The following APBB2 variants were observed in gnomAD, a reference collection of about 807,000 sequenced individuals.
The protein encoded by APBB2 is Fe65-like 1.
A neutral mutation model predicts 82.5 loss-of-function variants in APBB2; 38 were observed. The observed-to-expected ratio is 0.46, with a 90% CI of 0.36 to 0.60. The LOEUF is 0.60. Ranked by LOEUF, APBB2 falls within the 20% of genes least tolerant of loss-of-function variation. APBB2 has a pLI of 0.00. For synonymous variants in APBB2, 341 were observed against 368.2 expected, an observed-to-expected ratio of 0.93 and a Z score of 0.85; for missense variants, 772 against 972.3, an observed-to-expected ratio of 0.79 and a Z score of 2.74.
Position 40,945,083 on chromosome 4 carries a change from T to TTG in APBB2, c.836-11_836-10insCA. 3.0e-6 allele frequency: 2 copies of TTG among 668,272 alleles called. No homozygotes were observed. The highest frequency in any genetic ancestry group is 2.0e-5 in the South Asian group (1 of 50,972). 41.4% of individuals were successfully genotyped at this position (668,272 alleles called of 1,614,324 possible). ...TCACTCCATATATCTGCTGAAAAATTGGGGGGCGGGGCGGGGGGAGAAAGA... is the reference window on the plus strand; with the variant it reads ...TCACTCCATATATCTGCTGAAAAATTTGGGGGGGCGGGGCGGGGGGAGAAAGA... On this transcript the variant is annotated splice_polypyrimidine_tract_variant and intron_variant, in intron 6 of 17. Transcript: ENST00000508593.
chr4:40,891,645 T>C (rs1267981735), intron 11 of APBB2, among the ~76,000 whole-genome samples: 2 of 152,186 alleles, frequency 1.3e-5, no homozygotes, highest in African/African-American at 4.8e-5. Context: ...CTGTGGCCTG[T>C]CTACAGCTGA....
chr4:41,029,443 G>A (rs1407232206), intron 5 of APBB2, among the ~76,000 whole-genome samples: 6 of 152,182 alleles, frequency 3.9e-5, no homozygotes, highest in Non-Finnish European at 2.9e-5. Flanking sequence ...CTAACTAGGC[G>A]AGCAATGTCA....
intron 1 of APBB2, among the ~76,000 whole-genome samples, chr4:41,213,674 A>G (rs1779886398): frequency 6.6e-6 from 1 of 152,140 alleles, no homozygotes; most frequent in Admixed American, 6.5e-5. Flanking sequence ...TGTCATTTCT[A>G]GCGTACCACC....
At chr4:40,825,847 C>A in intron 15 of APBB2, 40 bp downstream of exon 15, 1 of 1,569,786 alleles carries the variant, frequency 6.4e-7, no homozygotes, top group African/African-American at 1.3e-5. Flanking sequence ...TGAGCTCCCG[C>A]ACACTTGCAA....
intron 5 of APBB2, among the ~76,000 whole-genome samples, chr4:41,030,135 G>A (rs773416004): frequency 6.6e-6 from 1 of 152,094 alleles, no homozygotes; most frequent in Non-Finnish European, 1.5e-5. Context: ...CAGCCTGGGC[G>A]ACAGAGCTAG....
intron 6 of APBB2, among the ~76,000 whole-genome samples, chr4:40,982,237 A>G (rs375188845): frequency 1.9e-3 from 13 of 6,722 alleles, no homozygotes; most frequent in Middle Eastern, 0.029. Context: ...AAAGAAAGAA[A>G]GAAAGAAAGA....
At chr4:40,823,565 TC>T in intron 16 of APBB2, 78 bp downstream of exon 16, 1 of 1,012,086 alleles carries the variant, frequency 9.9e-7, no homozygotes, top group Non-Finnish European at 1.5e-6. Context: ...TTGACTATGT[TC>T]CTAAGTTCCA....
chr4:41,020,474 T>C (rs1015276781), intron 5 of APBB2, among the ~76,000 whole-genome samples: 1 of 152,232 alleles, frequency 6.6e-6, no homozygotes, highest in Non-Finnish European at 1.5e-5. Flanking sequence ...CTCAAACCAG[T>C]GCCAGCTGTT....
At chr4:41,103,762 T>C (rs2153972273) in intron 2 of APBB2, among the ~76,000 whole-genome samples, 1 of 152,304 alleles carries the variant, frequency 6.6e-6, no homozygotes, top group South Asian at 2.1e-4. Context: ...TAACGTCACA[T>C]GTGAATCCAG....
chr4:41,170,104 C>G lies in APBB2; in HGVS notation c.-416-26962G>C, dbSNP rs116143730. Reference sequence around the variant, plus strand: ...ACTCCCAAGTCTTACCAAGATGGCACAGTCTCTGCTAAGTGAGGTGTTAAA... The same window carrying G: ...ACTCCCAAGTCTTACCAAGATGGCAGAGTCTCTGCTAAGTGAGGTGTTAAA... On this transcript the variant is annotated intron_variant, in intron 1 of 17. Coordinates refer to ENST00000508593, the MANE Select transcript of APBB2 (RefSeq NM_004307.2). Among the ~76,000 whole-genome samples, 1,151 of 152,318 alleles carry G rather than the reference C, an allele frequency of 7.6e-3. 13 individuals are homozygous for G. The highest frequency in any genetic ancestry group is 0.026 in the African/African-American group (1,085 of 41,564).
intron 6 of APBB2, among the ~76,000 whole-genome samples, chr4:41,005,661 A>C (rs1224497737): frequency 6.6e-6 from 1 of 152,214 alleles, no homozygotes; most frequent in South Asian, 2.1e-4. Context: ...CACTGTCCAC[A>C]GGACCCTCTC....
At chr4:40,869,545 G>A (rs571538979) in intron 12 of APBB2, among the ~76,000 whole-genome samples, 1 of 151,918 alleles carries the variant, frequency 6.6e-6, no homozygotes, top group African/African-American at 2.4e-5. Flanking sequence ...CTATGATCCT[G>A]CCACTGTACT....
At chr4:41,104,344 T>C (rs1043369079) in intron 2 of APBB2, among the ~76,000 whole-genome samples, 7 of 152,182 alleles carry the variant, frequency 4.6e-5, no homozygotes, top group Non-Finnish European at 1.0e-4. Context: ...CACACTGATA[T>C]CACATTAAGA....
intron 3 of APBB2, among the ~76,000 whole-genome samples, chr4:41,096,090 C>G (rs1190010598): frequency 3.9e-5 from 6 of 152,214 alleles, no homozygotes; most frequent in Admixed American, 3.9e-4. Flanking sequence ...TTTCTGTCTT[C>G]TCACTCAGCC....
At chr4:41,019,808 G>A (rs1321427701) in intron 5 of APBB2, among the ~76,000 whole-genome samples, 1 of 152,160 alleles carries the variant, frequency 6.6e-6, no homozygotes, top group Non-Finnish European at 1.5e-5. Flanking sequence ...ATCAAAAAGG[G>A]GAAGGAGAGG....
At chr4:41,061,159 CCTCACAGCTGCAGTTGCAGTGGTGG>C (rs1363362040) in intron 4 of APBB2, among the ~76,000 whole-genome samples, 1 of 152,182 alleles carries the variant, frequency 6.6e-6, no homozygotes, top group Non-Finnish European at 1.5e-5. Context: ...CAGTCCAGAT[CCTCACAGCTGCAGTTGCAGTGGTGG>C]CTGCAGTCAT....
intron 1 of APBB2, among the ~76,000 whole-genome samples, chr4:41,162,243 A>G (rs1765367975): frequency 6.7e-6 from 1 of 148,646 alleles, no homozygotes; most frequent in African/African-American, 2.5e-5. Context: ...CAATCTATAC[A>G]TAGATTGTGT....
chr4:40,870,888 A>G (rs1578108254), intron 12 of APBB2, among the ~76,000 whole-genome samples: 1 of 151,950 alleles, frequency 6.6e-6, no homozygotes, highest in South Asian at 2.1e-4. Context: ...GCATGACACC[A>G]CACCCAGCTA....
intron 2 of APBB2, among the ~76,000 whole-genome samples, chr4:41,114,746 C>G (rs1315385242): frequency 6.6e-6 from 1 of 152,044 alleles, no homozygotes; most frequent in Non-Finnish European, 1.5e-5. Context: ...AATAAAATAC[C>G]TAGGAATCCA....
Sources: gnomAD v4.1 joint callset for allele counts (sites outside exome capture counted in the v4.1 genomes callset) on GRCh38, gnomAD v4.1.1 for gene constraint, MANE v1.5 for transcripts, NCBI Gene and HGNC (gene_info 2026-07-23, HGNC 2026-07-21) for gene names.